Variants in DNMBP observed in about 807,000 individuals in gnomAD.
DNMBP encodes the protein dynamin-binding protein.
DNMBP carries 87 observed loss-of-function variants against 150.0 expected under a neutral mutation model. That is an observed-to-expected ratio of 0.58 (90% CI 0.49 to 0.69). The LOEUF (loss-of-function observed/expected upper bound fraction) is 0.69, where lower values mean the gene tolerates loss of function less well. Among genes scored for constraint, DNMBP ranks in the 30% least tolerant of loss-of-function variants. DNMBP has a pLI of 0.00. For missense variants in DNMBP, 1,774 were observed against 1,949.0 expected (o/e 0.91, Z 1.69); for synonymous variants, 711 against 750.4 (o/e 0.95, Z 0.86).
chr10:99,914,857 C>T (rs781307624), intron 4 of DNMBP, among the ~76,000 whole-genome samples: 1 of 151,836 alleles, frequency 6.6e-6, no homozygotes, highest in African/African-American at 2.4e-5. Context: ...CCTGGGAGGC[C>T]GAGATGGGTG....
intron 3 of DNMBP, 190 bp from the exon 4 acceptor site, chr10:99,957,395 T>G: frequency 1.6e-6 from 1 of 621,946 alleles, no homozygotes; most frequent in East Asian, 2.8e-5. Flanking sequence ...GTTTTCAGAG[T>G]GTTCCATGGA....
chr10:99,919,740 T>C (rs530393456), intron 4 of DNMBP, among the ~76,000 whole-genome samples: 30 of 152,364 alleles, frequency 2.0e-4, no homozygotes, highest in African/African-American at 6.7e-4. Context: ...TGAGCCAAGA[T>C]GGTGCCACGG....
intron 4 of DNMBP, among the ~76,000 whole-genome samples, chr10:99,950,365 T>C (rs905955216): frequency 1.1e-4 from 16 of 152,046 alleles, no homozygotes; most frequent in Non-Finnish European, 2.4e-4. Context: ...TACAGGAAAA[T>C]GGTACCAGTA....
At position 99,992,054 on chromosome 10, in the gene DNMBP, T is replaced by C. The variant is rs181184361; in HGVS notation, c.-11+17784A>G. Among the ~76,000 whole-genome samples, 207 of 151,810 alleles carry C rather than the reference T, an allele frequency of 1.4e-3. 1 individual carries two copies. Among genetic ancestry groups the C allele is most frequent in the East Asian group, 9.8e-4 (5 of 5,128 alleles). ...GAGTTCAAGACCAGCCTGGGCAACA[T>C]AGTGAGACCCCATCTCTAAAACAAA... On this transcript the variant is annotated intron_variant, in intron 1 of 16. Coordinates refer to ENST00000324109, the MANE Select transcript of DNMBP (RefSeq NM_015221.4).
chr10:99,879,084 C>CAAAAAAAAAAAAAAAAAAAAAAAAAAAAA (rs71009780), intron 16 of DNMBP, among the ~76,000 whole-genome samples: 3 of 62,402 alleles, frequency 4.8e-5, no homozygotes, highest in African/African-American at 8.2e-5. Flanking sequence ...GACTCTGTCT[C>CAAAAAAAAAAAAAAAAAAAAAAAAAAAAA]AAAAAAAAAA....
chr10:100,003,437 G>A (rs951460990), intron 1 of DNMBP, among the ~76,000 whole-genome samples: 6 of 152,114 alleles, frequency 3.9e-5, no homozygotes, highest in African/African-American at 1.4e-4. Context: ...AAGGGGTCAG[G>A]GGAAAAAGCA....
At chr10:99,919,807 G>A (rs933121697) in intron 4 of DNMBP, among the ~76,000 whole-genome samples, 3 of 152,202 alleles carry the variant, frequency 2.0e-5, no homozygotes, top group Non-Finnish European at 4.4e-5. Flanking sequence ...CAAGGATATG[G>A]AAAGCTGAAA....
In DNMBP at chr10:99,955,751, G is replaced by A. The variant is rs144024458; in HGVS notation, c.1723C>T (p.Arg575Cys). 1.1e-5 allele frequency: 17 copies of A among 1,614,094 alleles called. No individual in the cohort carries two copies. Among genetic ancestry groups the A allele is most frequent in the South Asian group, 3.3e-5 (3 of 91,088 alleles). The change falls in exon 4 of 17, where the codon CGC (arginine) becomes TGC (cysteine). Residue 575 changes from arginine to cysteine, a missense_variant. Physicochemically the swap from Arg to Cys is radical, Grantham distance 180. Transcript: ENST00000324109. Reference protein sequence around the residue: ...GPGTEPDKILRHFSIMDFNSE... With the variant: ...GPGTEPDKILCHFSIMDFNSE... The stretch of plus-strand genomic sequence containing the variant: ...TTAAAGTCCATGATTGAAAAGTGGC[G>A]TAAAATTTTATCTGGCTCTGTGCCG...
chr10:99,919,792 T>C (rs900365188), intron 4 of DNMBP, among the ~76,000 whole-genome samples: 1 of 152,202 alleles, frequency 6.6e-6, no homozygotes, highest in African/African-American at 2.4e-5. Flanking sequence ...ATCTGGGAGC[T>C]GGGGCAAGGA....
chr10:100,004,011 T>C (rs2041042391), intron 1 of DNMBP, among the ~76,000 whole-genome samples: 1 of 151,384 alleles, frequency 6.6e-6, no homozygotes, highest in Non-Finnish European at 1.5e-5. Flanking sequence ...GCAGGAAGAT[T>C]GCTGGAGCCC....
Position 99,895,403 on chromosome 10 carries a change from T to C in DNMBP, c.3052-353A>G, listed in dbSNP as rs2039638368. On this transcript the variant is annotated intron_variant, in intron 10 of 16. Coordinates refer to ENST00000324109, the MANE Select transcript of DNMBP (RefSeq NM_015221.4). ...TTGGCCTCCCAGAGTGCTGGGATTA[T>C]AGGCATGAGCCACCACGCCCAGCCA... 2.0e-5 allele frequency among the ~76,000 whole-genome samples: 3 copies of C among 152,118 alleles called. No individual in the cohort carries two copies. In the South Asian group the frequency reaches 6.2e-4, roughly 32 times the overall value.
intron 3 of DNMBP, among the ~76,000 whole-genome samples, chr10:99,962,183 C>G (rs1269374281): frequency 6.8e-6 from 1 of 147,206 alleles, no homozygotes; most frequent in African/African-American, 2.6e-5. Flanking sequence ...CAGCACCTAA[C>G]ATAAGATTTT....
chr10:100,001,414 T>TTG (rs1284510778), intron 1 of DNMBP, among the ~76,000 whole-genome samples: 143 of 37,112 alleles, frequency 3.9e-3, no homozygotes, highest in Non-Finnish European at 6.2e-3. Context: ...GTTGTTGTTG[T>TTG]TTTTTTTTTT....
intron 2 of DNMBP, among the ~76,000 whole-genome samples, chr10:99,971,326 CCTTTCTTT>C (rs904669687): frequency 4.6e-5 from 7 of 151,676 alleles, no homozygotes; most frequent in African/African-American, 1.7e-4. Flanking sequence ...TTCCTTCCTT[CCTTTCTTT>C]CTTTTCTTTC....
chr10:99,964,462 CCCT>C (rs2040596850), intron 3 of DNMBP, among the ~76,000 whole-genome samples: 1 of 151,454 alleles, frequency 6.6e-6, no homozygotes, highest in Non-Finnish European at 1.5e-5. Context: ...TTCTTTACTC[CCCT>C]CCACCCCCCA....
intron 4 of DNMBP, among the ~76,000 whole-genome samples, chr10:99,927,505 TA>T (rs753626020): frequency 2.0e-4 from 30 of 152,194 alleles, no homozygotes; most frequent in South Asian, 2.1e-4. Flanking sequence ...GGCCATTTAG[TA>T]AATGGTGGAG....
intron 3 of DNMBP, among the ~76,000 whole-genome samples, chr10:99,959,159 T>G (rs77807035): frequency 0.069 from 10,432 of 152,274 alleles, 518 homozygotes; most frequent in African/African-American, 0.14. Context: ...ATTAATTTTT[T>G]TTTGTTTGGA....
intron 4 of DNMBP, among the ~76,000 whole-genome samples, chr10:99,945,810 T>C (rs1215291114): frequency 6.6e-6 from 1 of 152,222 alleles, no homozygotes; most frequent in Non-Finnish European, 1.5e-5. Flanking sequence ...ATCAGGAACA[T>C]ATCTAAAATC....
intron 1 of DNMBP, among the ~76,000 whole-genome samples, chr10:99,985,952 TGTTGG>T (rs2040822909): frequency 6.6e-6 from 1 of 152,174 alleles, no homozygotes; most frequent in Non-Finnish European, 1.5e-5. Context: ...GGTTTCATCA[TGTTGG>T]CCAGGCTGGT....
Sources: gnomAD v4.1 joint callset for allele counts (sites outside exome capture counted in the v4.1 genomes callset) on GRCh38, gnomAD v4.1.1 for gene constraint, MANE v1.5 for transcripts, NCBI Gene and HGNC (gene_info 2026-07-23, HGNC 2026-07-21) for gene names.